PARN: variants seen among roughly 807,000 people sequenced by gnomAD.
The protein encoded by PARN is poly(A)-specific ribonuclease PARN.
In PARN, 71 loss-of-function variants were observed where a neutral mutation model predicts 102.8. That is an observed-to-expected ratio of 0.69 (90% CI 0.57 to 0.84). PARN has a LOEUF of 0.84. Ranked by LOEUF, PARN falls within the 40% of genes least tolerant of loss-of-function variation. PARN has a pLI of 0.00. For synonymous variants in PARN, 261 were observed against 252.9 expected, an observed-to-expected ratio of 1.03 and a Z score of -0.30; for missense variants, 782 against 760.9, an observed-to-expected ratio of 1.03 and a Z score of -0.33.
At chr16:14,505,719 A>T (rs1964859803) in intron 21 of PARN, among the ~76,000 whole-genome samples, 1 of 152,200 alleles carries the variant, frequency 6.6e-6, no homozygotes, top group Non-Finnish European at 1.5e-5. Flanking sequence ...TGTACTTATA[A>T]ATCAGCAAGA....
chr16:14,576,170 G>C (rs574957210), intron 18 of PARN: 1 of 152,358 alleles, frequency 6.6e-6, no homozygotes, highest in South Asian at 2.1e-4. Flanking sequence ...CCATTTTACA[G>C]AGGAGAAAAC....
intron 21 of PARN, among the ~76,000 whole-genome samples, chr16:14,547,034 A>G (rs1966990482): frequency 6.6e-6 from 1 of 151,752 alleles, no homozygotes; most frequent in Non-Finnish European, 1.5e-5. Flanking sequence ...CAGAAGTTGC[A>G]GTGAGCCAAG....
chr16:14,497,249 C>A (rs1413809987), intron 21 of PARN, among the ~76,000 whole-genome samples: 2 of 152,146 alleles, frequency 1.3e-5, no homozygotes, highest in African/African-American at 4.8e-5. Flanking sequence ...TATAACACAA[C>A]ACAGCTCATT....
intron 18 of PARN, among the ~76,000 whole-genome samples, chr16:14,572,810 T>C (rs745386882): frequency 1.3e-5 from 2 of 152,204 alleles, no homozygotes; most frequent in Non-Finnish European, 2.9e-5. Context: ...TTCTTTTTCA[T>C]TAAACTAAAA....
Position 14,610,714 on chromosome 16 carries a change from C to A in PARN, c.484G>T (p.Val162Leu). The A allele has an allele frequency of 6.2e-7, 1 of 1,606,074 alleles. No individual in the cohort carries two copies. Among genetic ancestry groups the A allele is most frequent in the East Asian group, 2.2e-5 (1 of 44,840 alleles). Reference protein sequence around the residue: ...QANGAGALSYVSPNTSKCPVT... With the variant: ...QANGAGALSYLSPNTSKCPVT... ...GGACATTTTGAAGTGTTAGGAGATA[C>A]ATAGGACAGAGCTCCTGCACCATTC... Residue 162 changes from valine (V) to leucine (L), a missense_variant, in exon 7 of 24, where the codon GTA becomes TTA. Val to Leu is a conservative substitution (Grantham distance 32, BLOSUM62 1). Coordinates refer to ENST00000437198, the MANE Select transcript of PARN (RefSeq NM_002582.4).
chr16:14,623,876 C>T, intron 5 of PARN, among the ~76,000 whole-genome samples: 1 of 151,724 alleles, frequency 6.6e-6, no homozygotes, highest in Admixed American at 6.6e-5. Context: ...TGTTACTCTA[C>T]ATACAGCAGT....
intron 5 of PARN, among the ~76,000 whole-genome samples, chr16:14,622,753 G>A (rs1389704124): frequency 1.6e-4 from 24 of 152,122 alleles, no homozygotes; most frequent in African/African-American, 5.1e-4. Context: ...TGATCCGCCC[G>A]ACTTGGCCTC....
At chr16:14,480,940 AAAATAAATAAATAAAT>A (rs34273832) in intron 22 of PARN, among the ~76,000 whole-genome samples, 1 of 148,982 alleles carries the variant, frequency 6.7e-6, no homozygotes, top group Non-Finnish European at 1.5e-5. Context: ...CCTGCCTCAA[AAAATAAATAAATAAAT>A]AAATAAATAA....
intron 21 of PARN, among the ~76,000 whole-genome samples, chr16:14,497,019 C>G (rs1170779458): frequency 6.6e-6 from 1 of 152,186 alleles, no homozygotes; most frequent in East Asian, 1.9e-4. Context: ...GTTGTTGACG[C>G]CCCTTCCCCT....
Position 14,519,361 on chromosome 16 carries a change from G to C in PARN, c.1480+32660C>G, listed in dbSNP as rs1284680505. 2.1e-5 allele frequency among the ~76,000 whole-genome samples: 3 copies of C among 143,938 alleles called. No individual in the cohort carries two copies. The Admixed American group carries it at 2.1e-4, about 10-fold the overall frequency. 94.4% of individuals were successfully genotyped at this position (143,938 alleles called of 152,430 possible). The stretch of plus-strand genomic sequence containing the variant: ...GAGGGTGGAGGGGAGGGGAGGGGAG[G>C]GGAGGAAGAACATTTTCTGAGCTCT... On this transcript the variant is annotated intron_variant, in intron 21 of 23. Coordinates refer to ENST00000437198, the MANE Select transcript of PARN (RefSeq NM_002582.4).
intron 21 of PARN, among the ~76,000 whole-genome samples, chr16:14,507,394 A>C (rs1964951807): frequency 6.7e-6 from 1 of 149,448 alleles, no homozygotes; most frequent in Non-Finnish European, 1.5e-5. Context: ...TCTATCATGT[A>C]ATCAACAGAG....
chr16:14,486,997 C>T (rs1220622182), intron 21 of PARN, among the ~76,000 whole-genome samples: 3 of 152,260 alleles, frequency 2.0e-5, no homozygotes, highest in Admixed American at 6.5e-5. Context: ...ATAAGAGTCT[C>T]AAACACTCCG....
chr16:14,600,881 C>G (rs1400115887), intron 11 of PARN, among the ~76,000 whole-genome samples: 3 of 152,034 alleles, frequency 2.0e-5, no homozygotes, highest in Non-Finnish European at 1.5e-5. Context: ...ATGCTGTAAG[C>G]CAAGATCGCA....
Position 14,552,034 on chromosome 16 carries a change from C to A in PARN, c.1467G>T (p.Glu489Asp), listed in dbSNP as rs771877532. 1.2e-6 allele frequency: 2 copies of A among 1,611,142 alleles called. No homozygotes were observed. The highest frequency in any genetic ancestry group is 1.7e-6 in the Non-Finnish European group (2 of 1,177,714). ...TSAFVSLSQP[E>D]QVKIAVNTSK... ...CAAAACACTTACCAATCTTTACTTG[C>A]TCGGGCTGGCTAAGGGAAACAAATG... Residue 489 changes from glutamate (E) to aspartate (D), a missense_variant, in exon 21 of 24, where the codon GAG (glutamate) becomes GAT (aspartate). Transcript: ENST00000437198.
chr16:14,440,399 TG>T (rs1264985875), intron 23 of PARN, among the ~76,000 whole-genome samples: 2 of 152,154 alleles, frequency 1.3e-5, no homozygotes, highest in Non-Finnish European at 2.9e-5. Flanking sequence ...TGTATACTGC[TG>T]GGGGAAATCC....
At chr16:14,597,618 A>T (rs1387983032) in intron 12 of PARN, among the ~76,000 whole-genome samples, 1 of 151,780 alleles carries the variant, frequency 6.6e-6, no homozygotes, top group Non-Finnish European at 1.5e-5. Context: ...AATGGCGTGA[A>T]CCCAGGAGGC....
chr16:14,474,904 C>G (rs758531950), intron 22 of PARN, among the ~76,000 whole-genome samples: 40 of 152,342 alleles, frequency 2.6e-4, no homozygotes, highest in Non-Finnish European at 4.9e-4. Flanking sequence ...TTAGAATTCT[C>G]CTTCCTAAAG....
chr16:14,479,078 T>C (rs1385817321), intron 22 of PARN, among the ~76,000 whole-genome samples: 1 of 152,152 alleles, frequency 6.6e-6, no homozygotes, highest in Non-Finnish European at 1.5e-5. Context: ...CAACAATGAA[T>C]TGTATTTCTA....
At chr16:14,603,762 A>G (rs1971015352) in intron 11 of PARN, among the ~76,000 whole-genome samples, 1 of 152,220 alleles carries the variant, frequency 6.6e-6, no homozygotes, top group Non-Finnish European at 1.5e-5. Flanking sequence ...GTACAACCTA[A>G]GCATGTCATC....
Sources: gnomAD v4.1 joint callset for allele counts (sites outside exome capture counted in the v4.1 genomes callset) on GRCh38, gnomAD v4.1.1 for gene constraint, MANE v1.5 for transcripts, NCBI Gene and HGNC (gene_info 2026-07-23, HGNC 2026-07-21) for gene names.